SPEF2: variants seen among roughly 807,000 people sequenced by gnomAD.
SPEF2 encodes sperm flagella and cilia-associated protein 2.
Under a neutral mutation model 224.6 loss-of-function variants are expected in SPEF2, and 187 were observed. That is an observed-to-expected ratio of 0.83 (90% CI 0.74 to 0.94). The LOEUF is 0.94. Among genes scored for constraint, SPEF2 ranks in the 40% least tolerant of loss-of-function variants. SPEF2 has a pLI of 0.00. For missense variants in SPEF2, 2,170 were observed against 2,135.6 expected, an observed-to-expected ratio of 1.02 and a Z score of -0.32; for synonymous variants, 715 against 707.3, an observed-to-expected ratio of 1.01 and a Z score of -0.17.
chr5:35,685,684 G>A (rs1245628339), intron 10 of SPEF2, among the ~76,000 whole-genome samples: 1 of 151,904 alleles, frequency 6.6e-6, no homozygotes, highest in Non-Finnish European at 1.5e-5. Context: ...ATTTCTTAAT[G>A]ATAGTGTAGT....
intron 30 of SPEF2, chr5:35,789,078 A>T (rs770559769): frequency 3.8e-5 from 26 of 684,656 alleles, no homozygotes; most frequent in Non-Finnish European, 6.9e-5. Flanking sequence ...TCAGAATCAC[A>T]GAAAATACTT....
intron 7 of SPEF2, 106 bp downstream of exon 7, chr5:35,654,832 C>A: frequency 2.2e-6 from 2 of 921,210 alleles, no homozygotes; most frequent in Non-Finnish European, 1.5e-6. Flanking sequence ...TGCTACTCTG[C>A]ATCAAATGTC....
chr5:35,677,527 C>G (rs1324248297), intron 10 of SPEF2, among the ~76,000 whole-genome samples: 1 of 152,134 alleles, frequency 6.6e-6, no homozygotes, highest in Non-Finnish European at 1.5e-5. Flanking sequence ...TTGTTTGACC[C>G]AGGCAGTTGT....
chr5:35,637,927 T>A (rs756276597), intron 2 of SPEF2, among the ~76,000 whole-genome samples: 4 of 152,216 alleles, frequency 2.6e-5, no homozygotes, highest in Non-Finnish European at 5.9e-5. Context: ...TATAGATTGA[T>A]GTGTTATGAC....
intron 16 of SPEF2, among the ~76,000 whole-genome samples, chr5:35,703,329 G>A (rs534315672): frequency 6.6e-6 from 1 of 152,268 alleles, no homozygotes; most frequent in South Asian, 2.1e-4. Context: ...AGAACTTGAA[G>A]TGTTCATTCA....
intron 4 of SPEF2, 123 bp downstream of exon 4, chr5:35,644,648 T>G (rs1747094677): frequency 1.5e-6 from 1 of 669,468 alleles, no homozygotes; most frequent in African/African-American, 1.9e-5. Flanking sequence ...GATGCATGAC[T>G]TTGTCCTGCC....
chr5:35,732,515 T>C (rs1745799386), intron 21 of SPEF2, among the ~76,000 whole-genome samples: 1 of 152,216 alleles, frequency 6.6e-6, no homozygotes, highest in Non-Finnish European at 1.5e-5. Flanking sequence ...AAATGTTTAA[T>C]TTAGATACAT....
chr5:35,645,182 G>A (rs1004065625), intron 4 of SPEF2, among the ~76,000 whole-genome samples: 1 of 152,208 alleles, frequency 6.6e-6, no homozygotes, highest in Non-Finnish European at 1.5e-5. Context: ...TATATGGAAT[G>A]TGTAAACTAC....
At chr5:35,636,987 A>G (rs1182715902) in intron 2 of SPEF2, among the ~76,000 whole-genome samples, 2 of 151,714 alleles carry the variant, frequency 1.3e-5, no homozygotes, top group South Asian at 2.1e-4. Context: ...AAAAAAAAAA[A>G]AAAAGAAAAA....
Position 35,628,469 on chromosome 5 carries a change from C to T in SPEF2, c.68C>T (p.Ser23Leu). 1 of 1,612,136 alleles carries T rather than the reference C, an allele frequency of 6.2e-7. No homozygotes were observed. The highest frequency in any genetic ancestry group is 1.7e-5 in the Admixed American group (1 of 59,982). Reference sequence around the variant, plus strand: ...ATGTTTTGAAACTCAGGTCCCAAGTCATTTGCAAAGGCATTTTCCAGTGGC... The same window carrying T: ...ATGTTTTGAAACTCAGGTCCCAAGTTATTTGCAAAGGCATTTTCCAGTGGC... ...LKVSRTVSPKSFAKAFSSGYL... is the reference protein window; with the variant it reads ...LKVSRTVSPKLFAKAFSSGYL... The change falls in exon 2 of 37, where the codon TCA (serine) becomes TTA (leucine). Residue 23 changes from serine to leucine, a missense_variant. Coordinates refer to ENST00000356031, the MANE Select transcript of SPEF2 (RefSeq NM_024867.4).
At chr5:35,810,857 C>G (rs1041046593) in intron 36 of SPEF2, among the ~76,000 whole-genome samples, 2 of 152,120 alleles carry the variant, frequency 1.3e-5, no homozygotes, top group Admixed American at 1.3e-4. Flanking sequence ...GAATGCTTCT[C>G]TAAGATATAC....
At chr5:35,639,921 A>G (rs971599648) in intron 2 of SPEF2, among the ~76,000 whole-genome samples, 4 of 152,040 alleles carry the variant, frequency 2.6e-5, no homozygotes, top group Admixed American at 1.3e-4. Flanking sequence ...TTCTGATTCT[A>G]CCCATGCTTT....
intron 20 of SPEF2, among the ~76,000 whole-genome samples, chr5:35,726,800 A>G (rs1744719660): frequency 6.6e-6 from 1 of 152,162 alleles, no homozygotes; most frequent in South Asian, 2.1e-4. Context: ...AACTGTAATA[A>G]CTTGATCTTT....
At chr5:35,657,754 C>T (rs1749153871) in intron 7 of SPEF2, among the ~76,000 whole-genome samples, 1 of 152,112 alleles carries the variant, frequency 6.6e-6, no homozygotes, top group South Asian at 2.1e-4. Flanking sequence ...CAGTTTGGCT[C>T]CCACCTGGTT....
At chr5:35,745,411 G>T (rs1431020590) in intron 23 of SPEF2, among the ~76,000 whole-genome samples, 1 of 152,162 alleles carries the variant, frequency 6.6e-6, no homozygotes, top group Non-Finnish European at 1.5e-5. Context: ...TCGGAGGTGG[G>T]TATCCTTGAA....
chr5:35,720,663 C>A (rs1317113231), intron 20 of SPEF2, among the ~76,000 whole-genome samples: 2 of 152,184 alleles, frequency 1.3e-5, no homozygotes, highest in African/African-American at 4.8e-5. Flanking sequence ...TGATTGATAG[C>A]ATATACTTAG....
intron 1 of SPEF2, among the ~76,000 whole-genome samples, chr5:35,623,933 G>A (rs912706749): frequency 6.6e-6 from 1 of 152,152 alleles, no homozygotes; most frequent in African/African-American, 2.4e-5. Flanking sequence ...ACTCTTATAA[G>A]GTAGACCCCA....
intron 23 of SPEF2, among the ~76,000 whole-genome samples, chr5:35,752,840 C>T (rs978929581): frequency 7.3e-5 from 11 of 151,384 alleles, no homozygotes; most frequent in Admixed American, 7.3e-4. Context: ...TTAAATGAGC[C>T]AATACAAGTA....
In SPEF2 at chr5:35,697,808, T is replaced by G. The variant is rs1309605195; in HGVS notation, c.2141+15T>G. 6.4e-7 allele frequency: 1 copy of G among 1,552,772 alleles called. No individual in the cohort carries two copies. Among genetic ancestry groups the G allele is most frequent in the African/African-American group, 1.4e-5 (1 of 73,556 alleles). ...AATGCTATTAAGTATGTATTGCATT[T>G]TTCTTCCTCTCATCTATTTAATATA... is the stretch of plus-strand genomic sequence containing the variant. On this transcript the variant is annotated intron_variant, in intron 15 of 36. Transcript: ENST00000356031.
Sources: allele counts gnomAD v4.1 joint callset (sites outside exome capture counted in the v4.1 genomes callset), GRCh38; gene constraint gnomAD v4.1.1; transcripts MANE v1.5; gene names NCBI Gene and HGNC (gene_info 2026-07-23, HGNC 2026-07-21).